Variants in TMEM35A observed in about 807,000 individuals in gnomAD.
The protein encoded by TMEM35A is transmembrane protein 35A.
For missense variants in TMEM35A, 83 were observed against 132.7 expected, an observed-to-expected ratio of 0.63 and a Z score of 1.84; for synonymous variants, 50 against 54.7, an observed-to-expected ratio of 0.91 and a Z score of 0.38.
chrX:101,089,957 G>A (rs1319944436), intron 1 of TMEM35A, among the ~76,000 whole-genome samples: 5 of 111,188 alleles, frequency 4.5e-5, no homozygotes, highest in Admixed American at 9.6e-5. Context: ...TAGAGTGTGT[G>A]AACACTATTT....
At chrX:101,090,262 C>G (rs1440097764) in intron 1 of TMEM35A, among the ~76,000 whole-genome samples, 1 of 107,211 alleles carries the variant, frequency 9.3e-6, no homozygotes, top group Non-Finnish European at 1.9e-5. Context: ...AAGTGATTCT[C>G]GTGCCTCAGC....
chrX:101,085,699 C>G (rs972778986), intron 1 of TMEM35A, among the ~76,000 whole-genome samples: 2 of 110,623 alleles, frequency 1.8e-5, no homozygotes, highest in Non-Finnish European at 3.8e-5. Context: ...GAGGCTGAGG[C>G]GGGCGGATCA....
intron 1 of TMEM35A, among the ~76,000 whole-genome samples, chrX:101,086,735 C>T (rs1286939961): frequency 1.8e-5 from 2 of 110,839 alleles, no homozygotes; most frequent in Non-Finnish European, 3.8e-5. Flanking sequence ...GGTTTCAGAG[C>T]CTGGGTTATT....
Position 101,095,304 on chromosome X carries a change from TGTGTGTGCGC to T in TMEM35A, c.*350_*359del. ...TAACTACTCTGTGTGTGTGTGTGTG[TGTGTGTGCGC>T]GCGCGCGCGCACGCGCACACACTCA... On this transcript the variant is annotated 3_prime_UTR_variant, in exon 2 of 2. Coordinates refer to ENST00000372930, the MANE Select transcript of TMEM35A (RefSeq NM_021637.3). 9.6e-6 allele frequency: 1 copy of T among 103,967 alleles called. No homozygotes were observed. The highest frequency in any genetic ancestry group is 6.3e-5 in the African/African-American group (1 of 15,952). 8.6% of individuals were successfully genotyped at this position (103,967 alleles called of 1,213,427 possible). A position where few individuals can be genotyped will look rare whatever the true frequency, so the allele number is the denominator to read the frequency against.
At chrX:101,081,911 A>G (rs1470711577) in intron 1 of TMEM35A, 1 of 111,045 alleles carries the variant, frequency 9.0e-6, no homozygotes, top group Non-Finnish European at 1.9e-5. Flanking sequence ...AACCAAGTCC[A>G]TGACTCAATA....
At chrX:101,081,739 T>C (rs1176551994) in intron 1 of TMEM35A, 2 of 112,340 alleles carry the variant, frequency 1.8e-5, no homozygotes, top group African/African-American at 6.5e-5. Flanking sequence ...GCGTTGTTGC[T>C]GCTGTTGTTG....
At chrX:101,084,202 A>C (rs1410035473) in intron 1 of TMEM35A, among the ~76,000 whole-genome samples, 1 of 108,300 alleles carries the variant, frequency 9.2e-6, no homozygotes. Context: ...AAAAAAAAAA[A>C]AAAAAAAAAA....
chrX:101,079,238 C>A, intron 1 of TMEM35A, 116 bp downstream of exon 1: 1 of 908,020 alleles, frequency 1.1e-6, no homozygotes, highest in Non-Finnish European at 1.5e-6. Flanking sequence ...CCCACCTGGA[C>A]CCTCCGTTCT....
At chrX:101,080,290 G>C (rs113501408) in intron 1 of TMEM35A, among the ~76,000 whole-genome samples, 2 of 111,788 alleles carry the variant, frequency 1.8e-5, no homozygotes, top group Admixed American at 9.6e-5. Flanking sequence ...CCACTGCAGA[G>C]CTTTCCAGGG....
chrX:101,086,312 G>A (rs113647082), intron 1 of TMEM35A, among the ~76,000 whole-genome samples: 2,357 of 111,378 alleles, frequency 0.021, 74 homozygotes, highest in African/African-American at 0.074. Context: ...GTAGAGATGG[G>A]GTTTTGCCAT....
At chrX:101,090,104 C>T (rs775422918) in intron 1 of TMEM35A, among the ~76,000 whole-genome samples, 5 of 110,479 alleles carry the variant, frequency 4.5e-5, no homozygotes, top group Non-Finnish European at 9.4e-5. Flanking sequence ...TGGTTTTCCT[C>T]CTGCTTTTCT....
chrX:101,085,418 T>C (rs1311712725), intron 1 of TMEM35A, among the ~76,000 whole-genome samples: 5 of 109,345 alleles, frequency 4.6e-5, no homozygotes, highest in Non-Finnish European at 7.6e-5. Context: ...CTGGCCAACA[T>C]GGTGAAACCC....
At chrX:101,091,305 T>C (rs976628974) in intron 1 of TMEM35A, among the ~76,000 whole-genome samples, 9 of 92,976 alleles carry the variant, frequency 9.7e-5, no homozygotes, top group East Asian at 6.0e-4. Context: ...TCTCTCTCTT[T>C]TTTTTTTTTT....
intron 1 of TMEM35A, among the ~76,000 whole-genome samples, chrX:101,083,250 T>C (rs1356413942): frequency 8.9e-6 from 1 of 112,254 alleles, no homozygotes; most frequent in African/African-American, 3.2e-5. Context: ...CCCTTAAAAG[T>C]GCTGGGACGC....
intron 1 of TMEM35A, among the ~76,000 whole-genome samples, chrX:101,082,127 TTC>T (rs1436209286): frequency 1.2e-5 from 1 of 80,435 alleles, no homozygotes; most frequent in East Asian, 3.3e-4. Flanking sequence ...TTCTTTTTCT[TTC>T]TTTCTTTTTT....
At chrX:101,083,262 G>A (rs919491852) in intron 1 of TMEM35A, among the ~76,000 whole-genome samples, 3 of 112,325 alleles carry the variant, frequency 2.7e-5, no homozygotes, top group Non-Finnish European at 5.6e-5. Context: ...CTGGGACGCA[G>A]TTTCCTGTGC....
chrX:101,088,199 A>AAAAAAAC (rs766728647), intron 1 of TMEM35A, among the ~76,000 whole-genome samples: 3 of 111,138 alleles, frequency 2.7e-5, no homozygotes, highest in East Asian at 5.6e-4. Context: ...TTCCATCTCA[A>AAAAAAAC]AAAAAACAAA....
At chrX:101,093,943 T>G (rs1382607458) in intron 1 of TMEM35A, among the ~76,000 whole-genome samples, 1 of 111,062 alleles carries the variant, frequency 9.0e-6, no homozygotes, top group Non-Finnish European at 1.9e-5. Flanking sequence ...TTAATCTCAT[T>G]TAGGAACACT....
Position 101,078,902 on chromosome X carries a change from C to T in TMEM35A, c.-101C>T. 9.1e-7 allele frequency: 1 copy of T among 1,095,912 alleles called. No individual in the cohort carries two copies. The highest frequency in any genetic ancestry group is 1.2e-6 in the Non-Finnish European group (1 of 807,996). The allele number at this position is 1,095,912 out of a possible 1,213,427, so 90.3% of individuals were successfully genotyped here. On this transcript the variant is annotated 5_prime_UTR_variant, in exon 1 of 2. Coordinates refer to ENST00000372930, the MANE Select transcript of TMEM35A (RefSeq NM_021637.3). Reference sequence around the variant, plus strand: ...TTGTCATTCTAGCTGCCTGCTGCCTCCGCAGCGTCCCCCCAGCTCTCCCTG... The same window carrying T: ...TTGTCATTCTAGCTGCCTGCTGCCTTCGCAGCGTCCCCCCAGCTCTCCCTG...
Sources: gnomAD v4.1 joint callset for allele counts (sites outside exome capture counted in the v4.1 genomes callset) on GRCh38, gnomAD v4.1.1 for gene constraint, MANE v1.5 for transcripts, NCBI Gene and HGNC (gene_info 2026-07-23, HGNC 2026-07-21) for gene names.